The following PNPLA6 variants were observed in gnomAD, a reference collection of about 807,000 sequenced individuals.
PNPLA6 encodes the protein patatin like domain 6, lysophospholipase, also known as patatin-like phospholipase domain-containing protein 6.
Under a neutral mutation model 153.7 loss-of-function variants are expected in PNPLA6, and 105 were observed. That is an observed-to-expected ratio of 0.68 (90% confidence interval 0.58 to 0.80). PNPLA6 has a LOEUF of 0.80. PNPLA6 is among the 30% of genes least tolerant of loss of function. PNPLA6 has a pLI of 0.00. For synonymous variants in PNPLA6, 825 were observed against 822.2 expected (o/e 1.00, Z -0.06); for missense variants, 1,423 against 1,919.3 (o/e 0.74, Z 4.83).
Position 7,550,985 on chromosome 19 carries a change from G to A in PNPLA6, c.2071-9G>A. The stretch of plus-strand genomic sequence containing the variant: ...CCAAGCAGCCCCAATCATGCACGCG[G>A]CCCCCCAGGTGGAGGCACTGACCCG... On this transcript the variant is annotated splice_polypyrimidine_tract_variant and intron_variant, in intron 16 of 31. Transcript: ENST00000600737. 1 of 1,531,600 alleles carries A rather than the reference G, an allele frequency of 6.5e-7. No individual in the cohort carries two copies. The highest frequency in any genetic ancestry group is 1.7e-4 in the Middle Eastern group (1 of 5,914). The allele number at this position is 1,531,600 out of a possible 1,614,324, so 94.9% of individuals were successfully genotyped here.
In PNPLA6 at chr19:7,541,248, C is replaced by G; in HGVS notation, c.925-106C>G. On this transcript the variant is annotated intron_variant, in intron 7 of 31. Transcript: ENST00000600737. This position sits in a 1 kb window ranked among gnomAD's most constrained non-coding sequence, Gnocchi z 5.2. ...CCATTTCCCCAGACTGTGGGTCTCTCCCTGGTTCCCGCCCGACCCCTTATG... is the reference window on the plus strand; with the variant it reads ...CCATTTCCCCAGACTGTGGGTCTCTGCCTGGTTCCCGCCCGACCCCTTATG... The G allele has an allele frequency of 8.6e-7, 1 of 1,161,356 alleles. No individual in the cohort carries two copies. Among genetic ancestry groups the G allele is most frequent in the Non-Finnish European group, 1.3e-6 (1 of 796,596 alleles). The allele number at this position is 1,161,356 out of a possible 1,614,324, so 71.9% of individuals were successfully genotyped here.
chr19:7,549,573 C>T (rs1166308317), intron 13 of PNPLA6: 1 of 387,278 alleles, frequency 2.6e-6, no homozygotes, highest in South Asian at 2.2e-5. Context: ...ACTGCAACCT[C>T]AGCCTTCCAG....
In PNPLA6 at chr19:7,555,160, A is replaced by G. The variant is rs2023816915; in HGVS notation, c.2817+85A>G. The G allele has an allele frequency of 2.5e-5, 38 of 1,516,960 alleles. No homozygotes were observed. Among genetic ancestry groups the G allele is most frequent in the Non-Finnish European group, 3.4e-5 (38 of 1,122,574 alleles). 94.0% of individuals were successfully genotyped at this position (1,516,960 alleles called of 1,614,324 possible). A position where few individuals can be genotyped will look rare whatever the true frequency, so the allele number is the denominator to read the frequency against. On this transcript the variant is annotated intron_variant, in intron 22 of 31. Transcript: ENST00000600737. This position sits in a 1 kb window ranked among gnomAD's most constrained non-coding sequence, Gnocchi z 6.3. ...ACTGGGGCGGGGCCTGGGAGGGCTG[A>G]GGACAGGCTCGAAGGTCAGGGTACC...
chr19:7,550,230 T>A, intron 14 of PNPLA6, 68 bp from the exon 15 acceptor site: 5 of 1,610,386 alleles, frequency 3.1e-6, no homozygotes, highest in Non-Finnish European at 4.2e-6. Flanking sequence ...CCCCCAGATC[T>A]GGCCTCCCAG....
rs746705186 is a variant in PNPLA6 at position 7,540,117 on chromosome 19, C to T, written c.555-32C>T. Reference sequence around the variant, plus strand: ...TGCAGACGTGGGGCCGCCCTGACCTCCAGCCTCTGTCGCCCACCGCCTGTC... The same window carrying T: ...TGCAGACGTGGGGCCGCCCTGACCTTCAGCCTCTGTCGCCCACCGCCTGTC... On this transcript the variant is annotated intron_variant, in intron 4 of 31. Transcript: ENST00000600737. The surrounding 1 kb of genome is among the most constrained non-coding windows in gnomAD (Gnocchi z 6.8). 9.3e-6 allele frequency: 15 copies of T among 1,613,614 alleles called. No homozygotes were observed. The highest frequency in any genetic ancestry group is 1.3e-5 in the Non-Finnish European group (15 of 1,180,004).
chr19:7,539,809 C>T lies in PNPLA6; in HGVS notation c.414-109C>T, dbSNP rs2023043387. The stretch of plus-strand genomic sequence containing the variant: ...GGCCAGCCTGATTTGGCCAGCGGGC[C>T]AGAGTTTGCTGTACATGAGCCCTGG... On this transcript the variant is annotated intron_variant, in intron 3 of 31. Transcript: ENST00000600737. The T allele has an allele frequency of 7.1e-6, 5 of 700,162 alleles. No individual in the cohort carries two copies. In the South Asian group the frequency reaches 8.6e-5, roughly 12 times the overall value. 43.4% of individuals were successfully genotyped at this position (700,162 alleles called of 1,614,324 possible).
At position 7,556,753 on chromosome 19, in the gene PNPLA6, C is replaced by A; in HGVS notation, c.3280+29C>A. Reference sequence around the variant, plus strand: ...GGTGTCCCCGCCCAGCCTGCAGCAACCGCTGACGCCACGTGGGGTTGGGGG... The same window carrying A: ...GGTGTCCCCGCCCAGCCTGCAGCAAACGCTGACGCCACGTGGGGTTGGGGG... On this transcript the variant is annotated intron_variant, in intron 26 of 31. Coordinates refer to ENST00000600737, the MANE Select transcript of PNPLA6 (RefSeq NM_001166114.2). The A allele has an allele frequency of 1.9e-6, 3 of 1,540,324 alleles. No individual in the cohort carries two copies. In the South Asian group the frequency reaches 3.3e-5, roughly 17 times the overall value.
Position 7,540,422 on chromosome 19 carries a change from A to T in PNPLA6, c.714+114A>T. 1 of 1,252,584 alleles carries T rather than the reference A, an allele frequency of 8.0e-7. No homozygotes were observed. Among genetic ancestry groups the T allele is most frequent in the Non-Finnish European group, 1.1e-6 (1 of 898,614 alleles). 77.6% of individuals were successfully genotyped at this position (1,252,584 alleles called of 1,614,324 possible). A position where few individuals can be genotyped will look rare whatever the true frequency, so the allele number is the denominator to read the frequency against. On this transcript the variant is annotated intron_variant, in intron 5 of 31. Transcript: ENST00000600737. This position sits in a 1 kb window ranked among gnomAD's most constrained non-coding sequence, Gnocchi z 6.8. Reference sequence around the variant, plus strand: ...AGATGCGTCATCGGGAGTCAGGGGAACGGGTGACCGAGGACATTTGGGGTA... The same window carrying T: ...AGATGCGTCATCGGGAGTCAGGGGATCGGGTGACCGAGGACATTTGGGGTA...
rs142676943 is a variant in PNPLA6, at chr19:7,556,690, T to C, written c.3246T>C (p.Asp1082=). The C allele has an allele frequency of 1.1e-5, 18 of 1,613,754 alleles. No homozygotes were observed. In the African/African-American group the frequency reaches 2.3e-4, roughly 20 times the overall value. ...LWLPYFNVTT[D]ITASAMRVHK... ...TGCCTTACTTCAACGTGACCACAGATATCACCGCCTCAGCCATGCGAGTCC... is the reference window on the plus strand; with the variant it reads ...TGCCTTACTTCAACGTGACCACAGACATCACCGCCTCAGCCATGCGAGTCC... The change falls in exon 26 of 32, where the codon GAT becomes GAC. Residue 1082 remains aspartate, a synonymous_variant. Transcript: ENST00000600737.
chr19:7,537,425 C>G (rs891722473), intron 3 of PNPLA6, among the ~76,000 whole-genome samples: 1 of 152,126 alleles, frequency 6.6e-6, no homozygotes, highest in African/African-American at 2.4e-5. Flanking sequence ...TATGAATTTT[C>G]TTGCACTAGA....
intron 3 of PNPLA6, among the ~76,000 whole-genome samples, chr19:7,536,925 T>TC (rs2022897816): frequency 8.4e-5 from 3 of 35,770 alleles, no homozygotes; most frequent in African/African-American, 1.3e-4. Flanking sequence ...AGACTCTGTC[T>TC]CAAAAAAAAA....
chr19:7,551,435 C>T lies in PNPLA6; in HGVS notation c.2258C>T (p.Pro753Leu), dbSNP rs2023645378. ...GNLQQLQGPFPGSGLGVPPHS... is the reference protein window; with the variant it reads ...GNLQQLQGPFLGSGLGVPPHS... ...TTGCAGCAGCTGCAAGGACCCTTCC[C>T]AGGTGAGAGCCGGCCGGCCCAGAGC... Residue 753 changes from proline to leucine, a missense_variant and splice_region_variant, in exon 18 of 32, where the codon CCA becomes CTA. Physicochemically the swap from Pro to Leu is moderately conservative, Grantham distance 98. Around this residue, in one of 10 missense-constraint regions of PNPLA6, gnomAD observed 23 missense variants for 21.2 expected, o/e 1.08. Transcript: ENST00000600737. 6.2e-7 allele frequency: 1 copy of T among 1,613,582 alleles called. No homozygotes were observed. Among genetic ancestry groups the T allele is most frequent in the African/African-American group, 1.3e-5 (1 of 75,018 alleles).
In PNPLA6 at chr19:7,539,954, GC is replaced by G; in HGVS notation, c.451del (p.Arg151GlyfsTer9). 1 of 1,568,552 alleles carries G rather than the reference GC, an allele frequency of 6.4e-7. No homozygotes were observed. Among genetic ancestry groups the G allele is most frequent in the Non-Finnish European group, 8.6e-7 (1 of 1,157,690 alleles). ...TCCAGAAAGAGACGCCCACGCTGCA[GC>G]GGAAGGAGCCCCCGCCCGCAGTGCT... ...RIQKETPTLQ[R>X]KEPPPAVLEA... On this transcript the variant is annotated frameshift_variant, in exon 4 of 32. Coordinates refer to ENST00000600737, the MANE Select transcript of PNPLA6 (RefSeq NM_001166114.2). LOFTEE classifies it high-confidence loss of function.
At chr19:7,543,178 G>T (rs1295243221) in intron 13 of PNPLA6, 94 bp downstream of exon 13, 2 of 1,085,524 alleles carry the variant, frequency 1.8e-6, no homozygotes, top group East Asian at 4.8e-5. Context: ...TGTAAGACCA[G>T]CACCTTCTCC....
rs1599316199 is a variant in PNPLA6 at position 7,560,544 on chromosome 19, T to G, written c.3700-104T>G. ...AAATAGGTTTAGTCTCAAATGCAAC[T>G]CCCCCAGAGAATCAGGCTTTTGAGG... is the stretch of plus-strand genomic sequence containing the variant. On this transcript the variant is annotated intron_variant, in intron 28 of 31. Coordinates refer to ENST00000600737, the MANE Select transcript of PNPLA6 (RefSeq NM_001166114.2). 3 of 817,714 alleles carry G rather than the reference T, an allele frequency of 3.7e-6. No individual in the cohort carries two copies. The East Asian group carries it at 7.4e-5, about 20-fold the overall frequency. The allele number at this position is 817,714 out of a possible 1,614,324, so 50.7% of individuals were successfully genotyped here.
chr19:7,536,588 C>A, intron 3 of PNPLA6, 42 bp downstream of exon 3: 2 of 1,324,522 alleles, frequency 1.5e-6, no homozygotes, highest in Non-Finnish European at 2.2e-6. Flanking sequence ...GGGGTTATCT[C>A]AGGGGCCTTT....
At chr19:7,543,785 C>T (rs1427791426) in intron 13 of PNPLA6, among the ~76,000 whole-genome samples, 1 of 151,790 alleles carries the variant, frequency 6.6e-6, no homozygotes, top group Admixed American at 6.6e-5. Flanking sequence ...GCCTAGTTCG[C>T]AGAACCCCAG....
chr19:7,545,518 A>G (rs1377308230), intron 13 of PNPLA6, among the ~76,000 whole-genome samples: 1 of 152,160 alleles, frequency 6.6e-6, no homozygotes, highest in Non-Finnish European at 1.5e-5. Context: ...AAAGGGATGG[A>G]ACAGGAAGGT....
Position 7,540,505 on chromosome 19 carries a change from G to A in PNPLA6, c.715-125G>A. 1 of 1,010,882 alleles carries A rather than the reference G, an allele frequency of 9.9e-7. No individual in the cohort carries two copies. The highest frequency in any genetic ancestry group is 1.6e-6 in the Non-Finnish European group (1 of 643,604). The allele number at this position is 1,010,882 out of a possible 1,614,324, so 62.6% of individuals were successfully genotyped here. The stretch of plus-strand genomic sequence containing the variant: ...GAACGATGGGAGATGCCTGCTCGTT[G>A]GAAGGGTTGGTGGGTTCCCCTGAGA... On this transcript the variant is annotated intron_variant, in intron 5 of 31. Coordinates refer to ENST00000600737, the MANE Select transcript of PNPLA6 (RefSeq NM_001166114.2). This position sits in a 1 kb window ranked among gnomAD's most constrained non-coding sequence, Gnocchi z 6.8.
Sources: gnomAD v4.1 joint callset for allele counts (sites outside exome capture counted in the v4.1 genomes callset) on GRCh38, gnomAD v4.1.1 for gene constraint, gnomAD v4.1.1 regional missense constraint, Gnocchi (gnomAD v3.1) non-coding constraint, MANE v1.5 for transcripts, NCBI Gene and HGNC (gene_info 2026-07-23, HGNC 2026-07-21) for gene names.